GOLM2: variants seen among roughly 807,000 people sequenced by gnomAD.
GOLM2 encodes golgi membrane protein 2.
GOLM2 carries 26 observed loss-of-function variants against 55.9 expected under a neutral mutation model. The ratio of observed to expected loss-of-function variants is 0.47; its 90% CI spans 0.34 to 0.65. The LOEUF (loss-of-function observed/expected upper bound fraction) is 0.65, where lower values mean the gene tolerates loss of function less well. GOLM2 is among the 30% of genes least tolerant of loss of function. The pLI, the probability that GOLM2 is intolerant of heterozygous loss-of-function variation, is 0.01. For missense variants in GOLM2, 486 were observed against 531.8 expected, an observed-to-expected ratio of 0.91 and a Z score of 0.85; for synonymous variants, 165 against 194.6, an observed-to-expected ratio of 0.85 and a Z score of 1.27.
At chr15:44,306,661 G>A (rs1444163083) in intron 1 of GOLM2, among the ~76,000 whole-genome samples, 1 of 152,162 alleles carries the variant, frequency 6.6e-6, no homozygotes, top group Non-Finnish European at 1.5e-5. Context: ...GCTTAATTAT[G>A]TTTAGCTTTT....
At chr15:44,356,266 T>A (rs1206049908) in intron 6 of GOLM2, among the ~76,000 whole-genome samples, 1 of 151,288 alleles carries the variant, frequency 6.6e-6, no homozygotes, top group Non-Finnish European at 1.5e-5. Context: ...AAACAGGAAA[T>A]CATTAGAGAA....
intron 6 of GOLM2, among the ~76,000 whole-genome samples, chr15:44,347,249 A>G (rs2141155521): frequency 6.6e-6 from 1 of 152,330 alleles, no homozygotes; most frequent in East Asian, 1.9e-4. Context: ...AAGTACCTTC[A>G]TGAGAGCCAA....
At chr15:44,394,772 G>A (rs965697224) in intron 8 of GOLM2, among the ~76,000 whole-genome samples, 3 of 151,830 alleles carry the variant, frequency 2.0e-5, no homozygotes, top group Non-Finnish European at 2.9e-5. Flanking sequence ...TTACCTTCAG[G>A]GTACTTGAAA....
At chr15:44,333,414 A>G (rs1045747222) in intron 4 of GOLM2, among the ~76,000 whole-genome samples, 3 of 152,188 alleles carry the variant, frequency 2.0e-5, no homozygotes, top group Non-Finnish European at 4.4e-5. Flanking sequence ...TCACAATTTT[A>G]TAGTAGGATA....
At chr15:44,326,744 C>A (rs541426383) in intron 2 of GOLM2, among the ~76,000 whole-genome samples, 136 of 150,250 alleles carry the variant, frequency 9.1e-4, no homozygotes, top group African/African-American at 3.1e-3. Context: ...CTCCGCCACT[C>A]GGGTTCAAGT....
chr15:44,328,892 T>C (rs2079002889), intron 3 of GOLM2, 105 bp downstream of exon 3: 2 of 676,336 alleles, frequency 3.0e-6, no homozygotes, highest in East Asian at 6.1e-5. Flanking sequence ...TTTTTTTCTC[T>C]TCTTTCATTT....
At position 44,349,333 on chromosome 15, in the gene GOLM2, CA is replaced by C. The variant is rs545166860; in HGVS notation, c.802+11024del. Among the ~76,000 whole-genome samples the C allele has an allele frequency of 5.9e-3, 876 of 148,846 alleles. 9 individuals are homozygous for C. The highest frequency in any genetic ancestry group is 0.021 in the African/African-American group (845 of 40,542). Reference sequence around the variant, plus strand: ...AAAGATGTTCCATGCAAGTAGAAACCAAAAAAAAGAGCAGAAGTAGCTATGC... The same window carrying C: ...AAAGATGTTCCATGCAAGTAGAAACCAAAAAAAGAGCAGAAGTAGCTATGC... On this transcript the variant is annotated intron_variant, in intron 6 of 9. Coordinates refer to ENST00000299957, the MANE Select transcript of GOLM2 (RefSeq NM_138423.4).
intron 3 of GOLM2, among the ~76,000 whole-genome samples, chr15:44,330,833 C>T (rs1039186227): frequency 6.6e-6 from 1 of 152,098 alleles, no homozygotes; most frequent in Non-Finnish European, 1.5e-5. Flanking sequence ...AGTTTTGTTG[C>T]TTTTACAGCA....
At position 44,368,948 on chromosome 15, in the gene GOLM2, G is replaced by A. The variant is rs568945903; in HGVS notation, c.803-10742G>A. Among the ~76,000 whole-genome samples the A allele has an allele frequency of 1.6e-4, 24 of 147,904 alleles. No homozygotes were observed. The South Asian group carries it at 3.2e-3, about 20-fold the overall frequency. On this transcript the variant is annotated intron_variant, in intron 6 of 9. Coordinates refer to ENST00000299957, the MANE Select transcript of GOLM2 (RefSeq NM_138423.4). ...GGATTTTGTTGCCTTCTTTTAAAGTGTGTCTTCTTTTAAAGGGTGTTGAAT... is the reference window on the plus strand; with the variant it reads ...GGATTTTGTTGCCTTCTTTTAAAGTATGTCTTCTTTTAAAGGGTGTTGAAT...
At chr15:44,319,329 C>T (rs2078933589) in intron 1 of GOLM2, among the ~76,000 whole-genome samples, 1 of 152,142 alleles carries the variant, frequency 6.6e-6, no homozygotes, top group African/African-American at 2.4e-5. Flanking sequence ...CTTCCCACCT[C>T]AGCCTCCCAA....
intron 6 of GOLM2, among the ~76,000 whole-genome samples, chr15:44,352,870 T>G (rs1160642447): frequency 1.3e-5 from 2 of 149,862 alleles, no homozygotes; most frequent in African/African-American, 4.9e-5. Flanking sequence ...CGCGCCATTT[T>G]AGTCCAGCCT....
intron 9 of GOLM2, among the ~76,000 whole-genome samples, chr15:44,410,160 T>C (rs2079627764): frequency 6.6e-6 from 1 of 152,010 alleles, no homozygotes; most frequent in South Asian, 2.1e-4. Flanking sequence ...AAAGATAGGC[T>C]GGGCGCGGTG....
At chr15:44,313,783 G>A (rs1432145914) in intron 1 of GOLM2, among the ~76,000 whole-genome samples, 1 of 151,778 alleles carries the variant, frequency 6.6e-6, no homozygotes, top group African/African-American at 2.4e-5. Flanking sequence ...GCACATAGTG[G>A]GTACTCACTA....
At chr15:44,398,335 T>C (rs2141210443) in intron 8 of GOLM2, among the ~76,000 whole-genome samples, 1 of 152,368 alleles carries the variant, frequency 6.6e-6, no homozygotes, top group African/African-American at 2.4e-5. Context: ...AGGCAGAGTC[T>C]CATCCTGTCA....
chr15:44,377,604 C>T (rs1443096389), intron 6 of GOLM2, among the ~76,000 whole-genome samples: 1 of 152,016 alleles, frequency 6.6e-6, no homozygotes, highest in Non-Finnish European at 1.5e-5. Flanking sequence ...AAACTTCTGG[C>T]CACAAGTGAC....
intron 2 of GOLM2, 37 bp downstream of exon 2, chr15:44,323,056 G>T: frequency 7.5e-7 from 1 of 1,340,616 alleles, no homozygotes; most frequent in Non-Finnish European, 1.0e-6. Context: ...ATAAACCAAG[G>T]TCACTAAATG....
intron 5 of GOLM2, 113 bp downstream of exon 5, chr15:44,338,020 A>G (rs768942563): frequency 9.3e-7 from 1 of 1,073,402 alleles, no homozygotes; most frequent in Non-Finnish European, 1.3e-6. Context: ...TAGTTCACAC[A>G]TGATTAAGTG....
chr15:44,349,666 C>T (rs1041844799), intron 6 of GOLM2, among the ~76,000 whole-genome samples: 1 of 152,198 alleles, frequency 6.6e-6, no homozygotes, highest in Non-Finnish European at 1.5e-5. Flanking sequence ...CAGAACATTT[C>T]ATCCAGTGGC....
chr15:44,292,104 G>T (rs2078724590), intron 1 of GOLM2, among the ~76,000 whole-genome samples: 1 of 151,660 alleles, frequency 6.6e-6, no homozygotes, highest in African/African-American at 2.4e-5. Flanking sequence ...TAAGTGTTTG[G>T]CTAATATTTT....
Sources: gnomAD v4.1 joint callset for allele counts (sites outside exome capture counted in the v4.1 genomes callset) on GRCh38, gnomAD v4.1.1 for gene constraint, MANE v1.5 for transcripts, NCBI Gene and HGNC (gene_info 2026-07-23, HGNC 2026-07-21) for gene names.